PTPRM: variants seen among roughly 807,000 people sequenced by gnomAD.
The protein encoded by PTPRM is receptor-type tyrosine-protein phosphatase mu.
PTPRM carries 47 observed loss-of-function variants against 186.7 expected under a neutral mutation model. The ratio of observed to expected loss-of-function variants is 0.25; its 90% confidence interval spans 0.20 to 0.32. The LOEUF (loss-of-function observed/expected upper bound fraction) is 0.32. Ranked by LOEUF, PTPRM falls within the 10% of genes least tolerant of loss-of-function variation. The pLI, the probability that PTPRM is intolerant of heterozygous loss-of-function variation, is 1.00. For synonymous variants in PTPRM, 668 were observed against 674.9 expected, an observed-to-expected ratio of 0.99 and a Z score of 0.16; for missense variants, 1,494 against 1,865.0, an observed-to-expected ratio of 0.80 and a Z score of 3.66.
chr18:7,905,571 G>A (rs748226122), intron 3 of PTPRM, among the ~76,000 whole-genome samples: 3 of 152,290 alleles, frequency 2.0e-5, no homozygotes, highest in East Asian at 1.9e-4. Flanking sequence ...CTGAAGTGGA[G>A]TCTTCTGCAG....
At chr18:7,938,623 C>T (rs2051977082) in intron 5 of PTPRM, among the ~76,000 whole-genome samples, 1 of 152,162 alleles carries the variant, frequency 6.6e-6, no homozygotes, top group Non-Finnish European at 1.5e-5. Context: ...TTTCTAGTTA[C>T]TGCATTTATT....
intron 11 of PTPRM, among the ~76,000 whole-genome samples, chr18:8,093,785 A>G (rs1449393135): frequency 6.6e-6 from 1 of 152,222 alleles, no homozygotes; most frequent in Non-Finnish European, 1.5e-5. Context: ...TCTTCTGTTT[A>G]TAACCACTCT....
intron 7 of PTPRM, among the ~76,000 whole-genome samples, chr18:8,035,029 G>A (rs563335655): frequency 6.6e-6 from 1 of 152,248 alleles, no homozygotes; most frequent in East Asian, 1.9e-4. Context: ...AATCCCCTTA[G>A]CAAAGGGCTG....
intron 14 of PTPRM, among the ~76,000 whole-genome samples, chr18:8,202,204 C>G (rs917159022): frequency 6.6e-6 from 1 of 152,108 alleles, no homozygotes; most frequent in East Asian, 1.9e-4. Flanking sequence ...AGATCTCATA[C>G]GAGTTATTTT....
At chr18:8,020,639 G>C (rs1006765026) in intron 7 of PTPRM, among the ~76,000 whole-genome samples, 1 of 152,108 alleles carries the variant, frequency 6.6e-6, no homozygotes, top group Non-Finnish European at 1.5e-5. Context: ...CTCACTTCCT[G>C]GTCTCTCAGT....
At chr18:7,683,931 C>G (rs59110819) in intron 1 of PTPRM, among the ~76,000 whole-genome samples, 2,925 of 152,184 alleles carry the variant, frequency 0.019, 88 homozygotes, top group African/African-American at 0.067. Context: ...TTCCTGTTTT[C>G]TCCCTGATAT....
At chr18:7,656,952 A>G (rs1486386178) in intron 1 of PTPRM, among the ~76,000 whole-genome samples, 1 of 152,044 alleles carries the variant, frequency 6.6e-6, no homozygotes, top group Non-Finnish European at 1.5e-5. Context: ...TCACTGCTGT[A>G]AGGCCAAGGT....
intron 14 of PTPRM, among the ~76,000 whole-genome samples, chr18:8,169,499 G>T (rs1043694513): frequency 3.3e-5 from 5 of 152,132 alleles, no homozygotes; most frequent in Admixed American, 3.3e-4. Flanking sequence ...ACTTCATAAA[G>T]TGTACCTCCA....
chr18:8,182,577 G>A (rs1364257708), intron 14 of PTPRM, among the ~76,000 whole-genome samples: 1 of 152,136 alleles, frequency 6.6e-6, no homozygotes, highest in Non-Finnish European at 1.5e-5. Flanking sequence ...ATATATAGAT[G>A]TCTAGCCCAC....
intron 14 of PTPRM, among the ~76,000 whole-genome samples, chr18:8,210,988 TGAG>T (rs1226092744): frequency 1.3e-5 from 2 of 152,178 alleles, no homozygotes; most frequent in Admixed American, 6.5e-5. Flanking sequence ...TTATGTAAGG[TGAG>T]GACTAAAAAG....
In PTPRM at chr18:8,376,052, G is replaced by A; in HGVS notation, c.3178G>A (p.Val1060Met). The change falls in exon 25 of 33, where the codon GTG (valine) becomes ATG (methionine). Residue 1060 changes from valine to methionine, a missense_variant. This residue lies in a region of PTPRM where 1,107 missense variants were observed against 1,350.2 expected (regional missense o/e 0.82). Transcript: ENST00000580170. ...GGCTAACCAACTACTGCAGAGAGGT[G>A]TGCATGAAATCCGAGAGATCAGACA... Reference protein sequence around the residue: ...IRTFAVEKRGVHEIREIRQFH... With the variant: ...IRTFAVEKRGMHEIREIRQFH... 6.2e-7 allele frequency: 1 copy of A among 1,609,410 alleles called. No homozygotes were observed. The highest frequency in any genetic ancestry group is 8.5e-7 in the Non-Finnish European group (1 of 1,176,074).
At chr18:7,782,824 A>AG (rs1257943436) in intron 2 of PTPRM, among the ~76,000 whole-genome samples, 1 of 152,216 alleles carries the variant, frequency 6.6e-6, no homozygotes, top group Non-Finnish European at 1.5e-5. Context: ...CACTGTTTCA[A>AG]GGGGGCCAAT....
At chr18:8,069,638 T>C (rs1487468839) in intron 7 of PTPRM, 48 bp from the exon 8 acceptor site, 1 of 1,504,950 alleles carries the variant, frequency 6.6e-7, no homozygotes, top group African/African-American at 1.4e-5. Flanking sequence ...ACCTGAGCCT[T>C]TATCTTTCTT....
At chr18:8,286,137 A>G (rs774442587) in intron 19 of PTPRM, among the ~76,000 whole-genome samples, 12 of 152,168 alleles carry the variant, frequency 7.9e-5, no homozygotes, top group Non-Finnish European at 1.3e-4. Flanking sequence ...ATTTGGAAAG[A>G]CCTCGTGAGT....
intron 2 of PTPRM, among the ~76,000 whole-genome samples, chr18:7,787,788 C>A (rs2043160584): frequency 6.6e-6 from 1 of 152,156 alleles, no homozygotes; most frequent in Non-Finnish European, 1.5e-5. Context: ...TTTGAAAAAT[C>A]CGCAGAGCTT....
At chr18:7,638,879 C>T (rs575144982) in intron 1 of PTPRM, among the ~76,000 whole-genome samples, 6 of 152,192 alleles carry the variant, frequency 3.9e-5, no homozygotes, top group East Asian at 1.9e-4. Context: ...TATTTCATTA[C>T]GACACTTCTA....
At chr18:7,987,698 T>G (rs2147575060) in intron 7 of PTPRM, among the ~76,000 whole-genome samples, 1 of 152,314 alleles carries the variant, frequency 6.6e-6, no homozygotes. Context: ...TCATAAAAAG[T>G]AAGTAGATTT....
At chr18:8,240,498 A>AG (rs1426297030) in intron 14 of PTPRM, among the ~76,000 whole-genome samples, 1 of 22,344 alleles carries the variant, frequency 4.5e-5, no homozygotes, top group Non-Finnish European at 7.6e-5. Context: ...AGAGAGAGAG[A>AG]GAGGAAGGAA....
chr18:8,211,783 G>A (rs375108559), intron 14 of PTPRM, among the ~76,000 whole-genome samples: 3 of 152,132 alleles, frequency 2.0e-5, no homozygotes, highest in East Asian at 1.9e-4. Flanking sequence ...TGGAGTGGGA[G>A]ATCTGAAGAC....
Sources: gnomAD v4.1 joint callset for allele counts (sites outside exome capture counted in the v4.1 genomes callset) on GRCh38, gnomAD v4.1.1 for gene constraint, gnomAD v4.1.1 regional missense constraint, MANE v1.5 for transcripts, NCBI Gene and HGNC (gene_info 2026-07-23, HGNC 2026-07-21) for gene names.